Variants in TMTC2 observed in about 807,000 individuals in gnomAD.
The protein encoded by TMTC2 is transmembrane O-mannosyltransferase targeting cadherins 2, also known as protein O-mannosyl-transferase TMTC2.
A neutral mutation model predicts 82.4 loss-of-function variants in TMTC2; 43 were observed. That is an observed-to-expected ratio of 0.52 (90% CI 0.41 to 0.67). The LOEUF (loss-of-function observed/expected upper bound fraction) is 0.67, where lower values mean the gene tolerates loss of function less well. Among genes scored for constraint, TMTC2 ranks in the 30% least tolerant of loss-of-function variants. The pLI is 0.00. For synonymous variants in TMTC2, 408 were observed against 381.9 expected, an observed-to-expected ratio of 1.07 and a Z score of -0.80; for missense variants, 919 against 1,012.4, an observed-to-expected ratio of 0.91 and a Z score of 1.25.
chr12:82,947,411 C>G (rs943620858), intron 4 of TMTC2, among the ~76,000 whole-genome samples: 10 of 149,726 alleles, frequency 6.7e-5, no homozygotes, highest in African/African-American at 2.2e-4. Context: ...GGCGCGATCT[C>G]GGCTCACTGC....
At chr12:82,789,998 A>G (rs781067245) in intron 1 of TMTC2, among the ~76,000 whole-genome samples, 7 of 152,098 alleles carry the variant, frequency 4.6e-5, no homozygotes, top group Non-Finnish European at 7.4e-5. Flanking sequence ...TGATTCCTTG[A>G]GGCAAGGAGT....
chr12:82,736,063 T>C (rs1404684859), intron 1 of TMTC2, among the ~76,000 whole-genome samples: 5 of 152,112 alleles, frequency 3.3e-5, no homozygotes, highest in Non-Finnish European at 2.9e-5. Context: ...CCTCGCCTTA[T>C]CCTACTCTTG....
chr12:82,999,395 C>T lies in TMTC2; in HGVS notation c.2070+13349C>T, dbSNP rs147010603. Among the ~76,000 whole-genome samples, 617 of 152,288 alleles carry T rather than the reference C, an allele frequency of 4.1e-3. 5 individuals carry two copies. Among genetic ancestry groups the T allele is most frequent in the African/African-American group, 0.014 (593 of 41,572 alleles). ...GCGATGTGACTTATCATTGTTTATG[C>T]TAAACTTGATAACATGGCTTGAGGT... On this transcript the variant is annotated intron_variant, in intron 8 of 11. Transcript: ENST00000321196.
At chr12:82,964,193 G>A (rs1878082959) in intron 4 of TMTC2, among the ~76,000 whole-genome samples, 1 of 151,744 alleles carries the variant, frequency 6.6e-6, no homozygotes, top group Non-Finnish European at 1.5e-5. Flanking sequence ...AGAGAATGGG[G>A]ATAGGCCAAA....
intron 1 of TMTC2, among the ~76,000 whole-genome samples, chr12:82,743,998 G>A (rs2136957037): frequency 6.6e-6 from 1 of 152,322 alleles, no homozygotes; most frequent in Admixed American, 6.5e-5. Context: ...GGGGTGCTGG[G>A]CATGGTTGCT....
rs960773812 is a variant in TMTC2, at chr12:83,037,522, A to G, written c.2152+6643A>G. On this transcript the variant is annotated intron_variant, in intron 9 of 11. Transcript: ENST00000321196. ...CAAACCATGTTTTTTAAAAAAATCA[A>G]TGTTTAGTGTCCCTTTAATGCTCTA... 2.0e-5 allele frequency among the ~76,000 whole-genome samples: 3 copies of G among 152,200 alleles called. No individual in the cohort carries two copies. The East Asian group carries it at 5.8e-4, about 29-fold the overall frequency.
At chr12:82,906,581 C>G (rs1366146086) in intron 3 of TMTC2, among the ~76,000 whole-genome samples, 1 of 151,942 alleles carries the variant, frequency 6.6e-6, no homozygotes, top group East Asian at 1.9e-4. Context: ...CTCAGCTACT[C>G]GGGAGGCTGA....
At chr12:82,965,515 T>A (rs748728547) in intron 5 of TMTC2, 45 bp from the exon 6 acceptor site, 1 of 1,597,640 alleles carries the variant, frequency 6.3e-7, no homozygotes, top group Non-Finnish European at 8.6e-7. Flanking sequence ...TTTATTCAAG[T>A]GTATATCATC....
chr12:82,814,894 G>A (rs377116165), intron 1 of TMTC2, among the ~76,000 whole-genome samples: 2 of 152,116 alleles, frequency 1.3e-5, no homozygotes, highest in Non-Finnish European at 2.9e-5. Context: ...TAGCTCAGGG[G>A]AAAGTTGAAA....
Position 82,807,110 on chromosome 12 carries a change from G to A in TMTC2, c.84-49900G>A, listed in dbSNP as rs554888666. On this transcript the variant is annotated intron_variant, in intron 1 of 11. Transcript: ENST00000321196. ...TTAATGGAAATATTCAGAAATATTC[G>A]GAGATATTAGTGTGCTGTTCATTCA... Among the ~76,000 whole-genome samples the A allele has an allele frequency of 9.9e-5, 15 of 152,126 alleles. No individual in the cohort carries two copies. In the South Asian group the frequency reaches 1.5e-3, roughly 15 times the overall value.
chr12:82,859,805 A>AAG (rs1165676477), intron 2 of TMTC2, among the ~76,000 whole-genome samples: 3 of 152,244 alleles, frequency 2.0e-5, no homozygotes, highest in East Asian at 3.9e-4. Flanking sequence ...TCTCTTGGCG[A>AAG]CCACCACTTG....
At chr12:83,038,872 G>A (rs1024081052) in intron 9 of TMTC2, among the ~76,000 whole-genome samples, 5 of 148,212 alleles carry the variant, frequency 3.4e-5, no homozygotes, top group African/African-American at 7.5e-5. Flanking sequence ...TAATGAGCAC[G>A]TTACTTTTAT....
intron 8 of TMTC2, among the ~76,000 whole-genome samples, chr12:82,996,544 G>A (rs1304128551): frequency 6.6e-6 from 1 of 152,190 alleles, no homozygotes; most frequent in East Asian, 1.9e-4. Flanking sequence ...AGCATATACT[G>A]TAATTCAGTC....
intron 2 of TMTC2, among the ~76,000 whole-genome samples, chr12:82,876,885 C>T (rs1004003451): frequency 2.0e-5 from 3 of 152,142 alleles, no homozygotes; most frequent in Non-Finnish European, 4.4e-5. Flanking sequence ...CTAGAGTTTT[C>T]TGAAGATTAA....
chr12:83,033,464 A>G (rs1881523189), intron 9 of TMTC2, among the ~76,000 whole-genome samples: 1 of 152,218 alleles, frequency 6.6e-6, no homozygotes, highest in Non-Finnish European at 1.5e-5. Flanking sequence ...CATAAAATAT[A>G]TTCTGAGTTC....
chr12:83,006,893 G>T (rs1334013386), intron 8 of TMTC2, among the ~76,000 whole-genome samples: 1 of 152,082 alleles, frequency 6.6e-6, no homozygotes, highest in Non-Finnish European at 1.5e-5. Flanking sequence ...CTCATAGGTG[G>T]GAATTGAACA....
At chr12:82,845,718 G>A (rs1457303213) in intron 1 of TMTC2, among the ~76,000 whole-genome samples, 1 of 152,102 alleles carries the variant, frequency 6.6e-6, no homozygotes, top group Admixed American at 6.5e-5. Context: ...GCAAGTCTGT[G>A]AAAAGTAGCT....
chr12:82,916,303 C>G lies in TMTC2; in HGVS notation c.1484-14128C>G, dbSNP rs77637075. 0.012 allele frequency among the ~76,000 whole-genome samples: 1,801 copies of G among 152,274 alleles called. 73 individuals carry two copies. The East Asian group carries it at 0.16, about 14-fold the overall frequency. On this transcript the variant is annotated intron_variant, in intron 3 of 11. Coordinates refer to ENST00000321196, the MANE Select transcript of TMTC2 (RefSeq NM_152588.3). ...AAGGCTTGTTGCTCCCAAATTCTCT[C>G]CCTTTGGCCAGTCATTATATTTGAA...
intron 2 of TMTC2, among the ~76,000 whole-genome samples, chr12:82,869,829 A>G (rs1241044043): frequency 6.6e-6 from 1 of 151,294 alleles, no homozygotes; most frequent in African/African-American, 2.4e-5. Context: ...ACAGAGTGAG[A>G]CCCTGTCTCA....
Sources: allele counts gnomAD v4.1 joint callset (sites outside exome capture counted in the v4.1 genomes callset), GRCh38; gene constraint gnomAD v4.1.1; transcripts MANE v1.5; gene names NCBI Gene and HGNC (gene_info 2026-07-23, HGNC 2026-07-21).